Variants in PPP1R16B observed in about 807,000 individuals in gnomAD.
PPP1R16B encodes protein phosphatase 1 regulatory subunit 16B.
In PPP1R16B, 14 loss-of-function variants were observed where a neutral mutation model predicts 61.7. The ratio of observed to expected loss-of-function variants is 0.23; its 90% CI spans 0.15 to 0.35. The LOEUF is 0.35. PPP1R16B is among the 10% of genes least tolerant of loss of function. The pLI, the probability that PPP1R16B is intolerant of heterozygous loss-of-function variation, is 1.00. For synonymous variants in PPP1R16B, 266 were observed against 305.3 expected, an observed-to-expected ratio of 0.87 and a Z score of 1.34; for missense variants, 547 against 752.5, an observed-to-expected ratio of 0.73 and a Z score of 3.19.
intron 3 of PPP1R16B, 61 bp from the exon 4 acceptor site, chr20:38,895,504 G>A (rs1403208448): frequency 1.3e-6 from 2 of 1,553,746 alleles, no homozygotes; most frequent in Non-Finnish European, 1.8e-6. Context: ...GGTGTGTCCT[G>A]ACCAGGGCCC....
chr20:38,865,297 T>C (rs1399108626), intron 2 of PPP1R16B, among the ~76,000 whole-genome samples: 1 of 150,496 alleles, frequency 6.6e-6, no homozygotes, highest in Non-Finnish European at 1.5e-5. Flanking sequence ...TTTTTTTTCT[T>C]TTTTTTTTTT....
At position 38,881,011 on chromosome 20, in the gene PPP1R16B, C is replaced by T. The variant is rs765246696; in HGVS notation, c.251-8584C>T. 3.2e-4 allele frequency among the ~76,000 whole-genome samples: 49 copies of T among 152,322 alleles called. 1 individual carries two copies. The highest frequency in any genetic ancestry group is 6.8e-3 in the Middle Eastern group (2 of 294). ...CTTCTTGAATGGGCCAAGAGTGATA[C>T]TTTCTATCTGGGGAAGAGCAAGGGG... On this transcript the variant is annotated intron_variant, in intron 2 of 10. Coordinates refer to ENST00000299824, the MANE Select transcript of PPP1R16B (RefSeq NM_015568.4).
chr20:38,884,727 C>T (rs1030636715), intron 2 of PPP1R16B, among the ~76,000 whole-genome samples: 4 of 151,992 alleles, frequency 2.6e-5, no homozygotes, highest in African/African-American at 9.7e-5. Context: ...TGCTTGAGTG[C>T]AAGAGTTTGA....
At chr20:38,834,652 A>G (rs2084857704) in intron 1 of PPP1R16B, among the ~76,000 whole-genome samples, 1 of 152,154 alleles carries the variant, frequency 6.6e-6, no homozygotes, top group Admixed American at 6.5e-5. Flanking sequence ...GAGCATCCCA[A>G]AGAGCTTTTG....
At chr20:38,852,994 A>G (rs2084979892) in intron 2 of PPP1R16B, among the ~76,000 whole-genome samples, 1 of 151,406 alleles carries the variant, frequency 6.6e-6, no homozygotes, top group South Asian at 2.1e-4. Flanking sequence ...CTGGTCTCAA[A>G]CTCCTGACCT....
chr20:38,813,761 C>CATTATTATT (rs1342242001), intron 1 of PPP1R16B, among the ~76,000 whole-genome samples: 1 of 131,862 alleles, frequency 7.6e-6, no homozygotes, highest in East Asian at 2.0e-4. Flanking sequence ...ACATCATCAT[C>CATTATTATT]ATCATCATTA....
At chr20:38,812,328 C>A (rs2084706388) in intron 1 of PPP1R16B, among the ~76,000 whole-genome samples, 1 of 152,172 alleles carries the variant, frequency 6.6e-6, no homozygotes, top group South Asian at 2.1e-4. Context: ...CAAGCTGGGG[C>A]ACAGCTGCTT....
chr20:38,807,975 G>C (rs770208531), intron 1 of PPP1R16B, among the ~76,000 whole-genome samples: 2 of 152,156 alleles, frequency 1.3e-5, no homozygotes, highest in African/African-American at 4.8e-5. Context: ...TGCTCTCCCT[G>C]GTAATTGACG....
At chr20:38,815,615 A>G (rs548294715) in intron 1 of PPP1R16B, among the ~76,000 whole-genome samples, 2 of 152,370 alleles carry the variant, frequency 1.3e-5, no homozygotes, top group East Asian at 3.9e-4. Flanking sequence ...TGTTTCCTCA[A>G]CAGTGTATGA....
intron 3 of PPP1R16B, among the ~76,000 whole-genome samples, chr20:38,892,076 CA>C (rs11476497): frequency 0.21 from 32,531 of 152,062 alleles, 3,636 homozygotes; most frequent in Middle Eastern, 0.34. Flanking sequence ...TCTCTTTGTC[CA>C]AGGTCAAGCA....
At chr20:38,838,106 G>T (rs528754072) in intron 2 of PPP1R16B, 1 of 152,234 alleles carries the variant, frequency 6.6e-6, no homozygotes, top group Non-Finnish European at 1.5e-5. Context: ...TTTGCTTCCT[G>T]TTGTAGGAAT....
intron 1 of PPP1R16B, among the ~76,000 whole-genome samples, chr20:38,810,228 T>A (rs933610761): frequency 1.5e-4 from 23 of 152,132 alleles, no homozygotes; most frequent in Non-Finnish European, 2.9e-5. Flanking sequence ...GTGCTGGATG[T>A]TTTTGGAGAG....
chr20:38,895,780 C>T lies in PPP1R16B; in HGVS notation c.467+70C>T, dbSNP rs140182423. ...GTCTTTTTCCAACTTCCTTCTTTCTCTCCTCCCTCCCTCCTTCCTTCTTTC... is the reference window on the plus strand; with the variant it reads ...GTCTTTTTCCAACTTCCTTCTTTCTTTCCTCCCTCCCTCCTTCCTTCTTTC... On this transcript the variant is annotated intron_variant, in intron 4 of 10. Coordinates refer to ENST00000299824, the MANE Select transcript of PPP1R16B (RefSeq NM_015568.4). 1,209 of 1,226,030 alleles carry T rather than the reference C, an allele frequency of 9.9e-4. 14 individuals carry two copies. The African/African-American group carries it at 0.019, about 20-fold the overall frequency. 75.9% of individuals were successfully genotyped at this position (1,226,030 alleles called of 1,614,324 possible). A position where few individuals can be genotyped will look rare whatever the true frequency, so the allele number is the denominator to read the frequency against.
intron 2 of PPP1R16B, among the ~76,000 whole-genome samples, chr20:38,889,119 C>G (rs1279821705): frequency 6.6e-6 from 1 of 152,134 alleles, no homozygotes; most frequent in Non-Finnish European, 1.5e-5. Context: ...CACATGCTGG[C>G]CACTGTGCTG....
At chr20:38,909,062 C>T (rs1601312763) in intron 10 of PPP1R16B, among the ~76,000 whole-genome samples, 1 of 151,986 alleles carries the variant, frequency 6.6e-6, no homozygotes, top group South Asian at 2.1e-4. Context: ...AGTGCAGTGG[C>T]ATGATTATAG....
chr20:38,863,350 A>C, intron 2 of PPP1R16B, among the ~76,000 whole-genome samples: 1 of 152,170 alleles, frequency 6.6e-6, no homozygotes, highest in East Asian at 1.9e-4. Flanking sequence ...CTGTGACTCA[A>C]AGATCCCTGC....
chr20:38,827,839 C>CG (rs34115938), intron 1 of PPP1R16B, among the ~76,000 whole-genome samples: 1 of 151,976 alleles, frequency 6.6e-6, no homozygotes, highest in Non-Finnish European at 1.5e-5. Context: ...TGTGGGAGGG[C>CG]GGGGGTGTAC....
chr20:38,835,838 G>C lies in PPP1R16B; in HGVS notation c.-88G>C. ...TCCCTGCCACAGGCCACACCATGAG[G>C]CCCCAGCCCCACCAGAGGCCCCGCG... On this transcript the variant is annotated 5_prime_UTR_variant, in exon 2 of 11. Transcript: ENST00000299824. The C allele has an allele frequency of 7.1e-7, 1 of 1,412,168 alleles. No individual in the cohort carries two copies. Among genetic ancestry groups the C allele is most frequent in the Non-Finnish European group, 9.3e-7 (1 of 1,073,820 alleles). 87.5% of individuals were successfully genotyped at this position (1,412,168 alleles called of 1,614,324 possible).
chr20:38,819,721 T>C (rs2084760900), intron 1 of PPP1R16B, among the ~76,000 whole-genome samples: 1 of 151,982 alleles, frequency 6.6e-6, no homozygotes, highest in Non-Finnish European at 1.5e-5. Context: ...AAAACGTCAA[T>C]TTCTGGCTGC....
Sources: allele counts gnomAD v4.1 joint callset (sites outside exome capture counted in the v4.1 genomes callset), GRCh38; gene constraint gnomAD v4.1.1; transcripts MANE v1.5; gene names NCBI Gene and HGNC (gene_info 2026-07-23, HGNC 2026-07-21).